MACROD2: variants seen among roughly 807,000 people sequenced by gnomAD.
The protein encoded by MACROD2 is ADP-ribose glycohydrolase MACROD2.
MACROD2 carries 36 observed loss-of-function variants against 70.4 expected under a neutral mutation model. That is an observed-to-expected ratio of 0.51 (90% CI 0.39 to 0.68). The LOEUF is 0.68. Ranked by LOEUF, MACROD2 falls within the 30% of genes least tolerant of loss-of-function variation. The probability of loss-of-function intolerance (pLI) is 0.00; values close to 1 mark genes in which losing one functional copy is unlikely to be tolerated. For missense variants in MACROD2, 496 were observed against 538.4 expected, an observed-to-expected ratio of 0.92 and a Z score of 0.78; for synonymous variants, 172 against 178.8, an observed-to-expected ratio of 0.96 and a Z score of 0.30.
intron 3 of MACROD2, among the ~76,000 whole-genome samples, chr20:14,185,132 C>A (rs1017646418): frequency 1.3e-5 from 2 of 152,022 alleles, no homozygotes; most frequent in Non-Finnish European, 2.9e-5. Context: ...TGAATCAATT[C>A]AATGCATTGT....
At chr20:15,788,731 T>C (rs2051972638) in intron 8 of MACROD2, among the ~76,000 whole-genome samples, 1 of 152,220 alleles carries the variant, frequency 6.6e-6, no homozygotes. Flanking sequence ...TATGCAGTCA[T>C]TATTCAGGAA....
rs1003537437 is a variant in MACROD2, at chr20:14,994,185, C to A, written c.419-235755C>A. Among the ~76,000 whole-genome samples, 6 of 151,902 alleles carry A rather than the reference C, an allele frequency of 3.9e-5. 1 individual carries two copies. The highest frequency in any genetic ancestry group is 7.4e-5 in the Non-Finnish European group (5 of 67,970). On this transcript the variant is annotated intron_variant, in intron 5 of 17. Transcript: ENST00000684519. ...TACATACATACATATAATATTTTTT[C>A]TTAGCACTTAGTTATATAGCACTTG...
intron 6 of MACROD2, among the ~76,000 whole-genome samples, chr20:15,295,069 G>A (rs1038309157): frequency 6.6e-6 from 1 of 152,092 alleles, no homozygotes; most frequent in African/African-American, 2.4e-5. Flanking sequence ...TGAATCATGG[G>A]GGCAAATTTT....
At chr20:14,796,358 C>CA (rs1222930422) in intron 5 of MACROD2, among the ~76,000 whole-genome samples, 12 of 152,020 alleles carry the variant, frequency 7.9e-5, no homozygotes, top group African/African-American at 2.7e-4. Flanking sequence ...CTGGGAAAGC[C>CA]AGTAGTAACC....
intron 8 of MACROD2, among the ~76,000 whole-genome samples, chr20:15,749,052 CATT>C (rs1317835714): frequency 1.3e-5 from 2 of 151,998 alleles, no homozygotes; most frequent in Non-Finnish European, 2.9e-5. Context: ...TAGCTCTTAC[CATT>C]ATTATTTTCA....
intron 3 of MACROD2, among the ~76,000 whole-genome samples, chr20:14,184,469 C>T (rs764778745): frequency 2.1e-4 from 31 of 150,550 alleles, no homozygotes; most frequent in Admixed American, 3.3e-4. Context: ...GTCATGCCCT[C>T]GGCTTTGTTC....
chr20:14,332,099 C>G (rs1261705983), intron 3 of MACROD2, among the ~76,000 whole-genome samples: 5 of 152,030 alleles, frequency 3.3e-5, no homozygotes, highest in Non-Finnish European at 5.9e-5. Flanking sequence ...ACACTTAAAA[C>G]TGTAGTAAAA....
intron 3 of MACROD2, among the ~76,000 whole-genome samples, chr20:14,438,790 C>A (rs934372391): frequency 6.6e-6 from 1 of 152,116 alleles, no homozygotes; most frequent in Non-Finnish European, 1.5e-5. Flanking sequence ...GTCATGAGTT[C>A]TTTATAAGTC....
intron 4 of MACROD2, among the ~76,000 whole-genome samples, chr20:14,574,661 A>T (rs918383742): frequency 1.3e-5 from 2 of 150,926 alleles, no homozygotes; most frequent in Non-Finnish European, 3.0e-5. Context: ...ATATATTATT[A>T]TGAAATATAT....
At chr20:14,057,632 C>T (rs2087819156) in intron 2 of MACROD2, among the ~76,000 whole-genome samples, 1 of 152,148 alleles carries the variant, frequency 6.6e-6, no homozygotes, top group South Asian at 2.1e-4. Flanking sequence ...GCAACACCTG[C>T]TAAAGCTGTG....
chr20:14,767,136 C>A (rs2072101090), intron 5 of MACROD2, among the ~76,000 whole-genome samples: 1 of 151,984 alleles, frequency 6.6e-6, no homozygotes, highest in African/African-American at 2.4e-5. Flanking sequence ...CAAGACCAGC[C>A]TAGGCAACAT....
intron 3 of MACROD2, among the ~76,000 whole-genome samples, 172 bp downstream of exon 3, chr20:14,085,900 C>T (rs1381788352): frequency 6.6e-6 from 1 of 152,098 alleles, no homozygotes; most frequent in East Asian, 1.9e-4. Context: ...GTATGTTCTG[C>T]AATTAATGTG....
At chr20:16,045,960 G>C (rs1681999257) in intron 17 of MACROD2, among the ~76,000 whole-genome samples, 1 of 150,000 alleles carries the variant, frequency 6.7e-6, no homozygotes, top group Non-Finnish European at 1.5e-5. Flanking sequence ...TGTTATAACT[G>C]TTCCAAGTTC....
intron 6 of MACROD2, among the ~76,000 whole-genome samples, chr20:15,412,261 G>T (rs182747776): frequency 1.4e-4 from 21 of 151,928 alleles, no homozygotes; most frequent in African/African-American, 4.8e-4. Context: ...AGTTCAGTGG[G>T]ATATAATTTT....
chr20:14,940,885 G>T (rs1049398430), intron 5 of MACROD2, among the ~76,000 whole-genome samples: 1 of 152,054 alleles, frequency 6.6e-6, no homozygotes, highest in Non-Finnish European at 1.5e-5. Flanking sequence ...CCTGGTTTTG[G>T]TATCAAGTTA....
At chr20:15,114,057 G>A (rs1269368484) in intron 5 of MACROD2, among the ~76,000 whole-genome samples, 6 of 152,088 alleles carry the variant, frequency 3.9e-5, no homozygotes, top group Non-Finnish European at 5.9e-5. Context: ...AGTGGTCACC[G>A]CTATCCAAGG....
chr20:15,445,536 C>T (rs1030583428), intron 7 of MACROD2, among the ~76,000 whole-genome samples: 2 of 152,072 alleles, frequency 1.3e-5, no homozygotes, highest in African/African-American at 2.4e-5. Flanking sequence ...CAGATTCTTA[C>T]GGACAAAACC....
intron 3 of MACROD2, among the ~76,000 whole-genome samples, chr20:14,443,239 G>A (rs1232509030): frequency 2.0e-5 from 3 of 151,722 alleles, no homozygotes; most frequent in Non-Finnish European, 4.4e-5. Flanking sequence ...CTGGGACAAG[G>A]GTGGGAAAAG....
Position 15,392,920 on chromosome 20 carries a change from A to G in MACROD2, c.541-38485A>G, listed in dbSNP as rs112905395. On this transcript the variant is annotated intron_variant, in intron 6 of 17. Coordinates refer to ENST00000684519, the MANE Select transcript of MACROD2 (RefSeq NM_001351661.2). ...ATCATTTATATTCAAGGAAAATGCT[A>G]CCTAGGACATGCCTTATCTCACCCC... Among the ~76,000 whole-genome samples the G allele has an allele frequency of 4.4e-3, 661 of 151,698 alleles. 6 individuals are homozygous for G. Among genetic ancestry groups the G allele is most frequent in the African/African-American group, 0.016 (642 of 41,384 alleles).
Sources: gnomAD v4.1 joint callset for allele counts (sites outside exome capture counted in the v4.1 genomes callset) on GRCh38, gnomAD v4.1.1 for gene constraint, MANE v1.5 for transcripts, NCBI Gene and HGNC (gene_info 2026-07-23, HGNC 2026-07-21) for gene names.